HIF3A: variants seen among roughly 807,000 people sequenced by gnomAD.
HIF3A encodes hypoxia inducible factor 3 subunit alpha, also known as hypoxia-inducible factor 3-alpha.
Under a neutral mutation model 67.2 loss-of-function variants are expected in HIF3A, and 41 were observed. The ratio of observed to expected loss-of-function variants is 0.61; its 90% CI spans 0.48 to 0.79. HIF3A has a LOEUF of 0.79. HIF3A is among the 30% of genes least tolerant of loss of function. The pLI is 0.00. For missense variants in HIF3A, 855 were observed against 898.0 expected, an observed-to-expected ratio of 0.95 and a Z score of 0.61; for synonymous variants, 356 against 374.8, an observed-to-expected ratio of 0.95 and a Z score of 0.58.
At chr19:46,298,336 G>A in intron 1 of HIF3A, 2 of 1,266,388 alleles carry the variant, frequency 1.6e-6, no homozygotes, top group Non-Finnish European at 2.1e-6. Context: ...CTGGCTGGGT[G>A]GGGGCCCCTC....
In HIF3A at chr19:46,307,747, C is replaced by CA. The variant is rs1206701910; in HGVS notation, c.364-462dup. Among the ~76,000 whole-genome samples the CA allele has an allele frequency of 5.7e-3, 740 of 130,734 alleles. 5 individuals are homozygous for CA. The highest frequency in any genetic ancestry group is 7.0e-3 in the Non-Finnish European group (425 of 60,536). 85.8% of individuals were successfully genotyped at this position (130,734 alleles called of 152,430 possible). Reference sequence around the variant, plus strand: ...TGGGCAACAGAGCGAGACTCCATCTCAAAAAAAAAAAAGAAAAGAAAAAAA... The same window carrying CA: ...TGGGCAACAGAGCGAGACTCCATCTCAAAAAAAAAAAAAGAAAAGAAAAAAA... On this transcript the variant is annotated intron_variant, in intron 3 of 14. Transcript: ENST00000377670.
At chr19:46,321,711 G>T (rs1434812041) in intron 9 of HIF3A, 65 bp from the exon 10 acceptor site, 1 of 1,420,010 alleles carries the variant, frequency 7.0e-7, no homozygotes, top group African/African-American at 1.4e-5. Context: ...GGTTGGTATG[G>T]AGGGCTCTGG....
In HIF3A at chr19:46,341,209, T is replaced by C. The variant is rs1014132114; in HGVS notation, c.*1587T>C. 8 of 150,854 alleles carry C rather than the reference T, an allele frequency of 5.3e-5. No individual in the cohort carries two copies. The highest frequency in any genetic ancestry group is 4.6e-4 in the Admixed American group (7 of 15,144). 9.3% of individuals were successfully genotyped at this position (150,854 alleles called of 1,614,324 possible). Reference sequence around the variant, plus strand: ...CTCTTAATCTCTCTCTTTTTTTTTTTTTTTTTTTGAGACAGAGTCCCACTC... The same window carrying C: ...CTCTTAATCTCTCTCTTTTTTTTTTCTTTTTTTTGAGACAGAGTCCCACTC... On this transcript the variant is annotated 3_prime_UTR_variant, in exon 15 of 15. Coordinates refer to ENST00000377670, the MANE Select transcript of HIF3A (RefSeq NM_152795.4).
Position 46,342,779 on chromosome 19 carries a change from C to T in HIF3A, c.*3157C>T, listed in dbSNP as rs910517738. ...ATTCTGGGCTTCCCACCCCACTGAA[C>T]TTACCCAATTCCTTCTTTCAGTCTT... On this transcript the variant is annotated 3_prime_UTR_variant, in exon 15 of 15. Transcript: ENST00000377670. 2 of 152,266 alleles carry T rather than the reference C, an allele frequency of 1.3e-5. No individual in the cohort carries two copies. Among genetic ancestry groups the T allele is most frequent in the Admixed American group, 6.5e-5 (1 of 15,270 alleles). 9.4% of individuals were successfully genotyped at this position (152,266 alleles called of 1,614,324 possible).
chr19:46,316,749 G>A (rs758083044), intron 8 of HIF3A, among the ~76,000 whole-genome samples: 30 of 150,274 alleles, frequency 2.0e-4, no homozygotes, highest in Non-Finnish European at 7.4e-5. Flanking sequence ...GTTGCAATGA[G>A]TGGAGATCAG....
intron 13 of HIF3A, among the ~76,000 whole-genome samples, chr19:46,333,840 T>C (rs990484119): frequency 9.3e-5 from 13 of 139,600 alleles, no homozygotes; most frequent in Non-Finnish European, 1.5e-4. Context: ...TCGCCCAGGC[T>C]GGAGTGCAGT....
intron 12 of HIF3A, 100 bp from the exon 13 acceptor site, chr19:46,331,056 G>A (rs965032358): frequency 7.7e-6 from 6 of 783,234 alleles, no homozygotes; most frequent in Non-Finnish European, 1.3e-5. Flanking sequence ...GAATAAATAG[G>A]TGCTCAGGGG....
At chr19:46,326,460 CA>C (rs1399238979) in intron 11 of HIF3A, among the ~76,000 whole-genome samples, 2 of 152,122 alleles carry the variant, frequency 1.3e-5, no homozygotes, top group African/African-American at 4.8e-5. Flanking sequence ...GAGGCAATAA[CA>C]TAAGAGTGTG....
intron 10 of HIF3A, 24 bp downstream of exon 10, chr19:46,321,990 C>T: frequency 6.2e-7 from 1 of 1,610,098 alleles, no homozygotes; most frequent in Non-Finnish European, 8.5e-7. Context: ...CCCATGTGAG[C>T]CCTCAGCATC....
Position 46,305,334 on chromosome 19 carries a change from G to A in HIF3A, c.307G>A (p.Glu103Lys), listed in dbSNP as rs372758753. The change falls in exon 3 of 15, where the codon GAG becomes AAG. Residue 103 changes from glutamate (E) to lysine (K), a missense_variant. Transcript: ENST00000377670. ...GGGCTTCGTCATGGTGCTCACCGCC[G>A]AGGGAGACATGGCTTACCTGTCGGA... is the stretch of plus-strand genomic sequence containing the variant. ...LEGFVMVLTA[E>K]GDMAYLSENV... is the part of the protein sequence containing the mutation. 54 of 1,614,036 alleles carry A rather than the reference G, an allele frequency of 3.3e-5. No homozygotes were observed. Among genetic ancestry groups the A allele is most frequent in the African/African-American group, 3.1e-4 (23 of 74,916 alleles).
Position 46,308,695 on chromosome 19 carries a change from G to T in HIF3A, c.481G>T (p.Glu161Ter). 1 of 1,609,830 alleles carries T rather than the reference G, an allele frequency of 6.2e-7. No individual in the cohort carries two copies. The highest frequency in any genetic ancestry group is 2.2e-5 in the East Asian group (1 of 44,710). Residue 161 changes from glutamate to a stop codon, truncating the protein, a stop_gained, in exon 5 of 15, where the codon GAG (glutamate) becomes TAG (stop). Transcript: ENST00000377670. LOFTEE classifies it high-confidence loss of function. Reference protein sequence around the residue: ...LSRRKVEAPTERCFSLRMKST... With the variant: ...LSRRKVEAPT The stretch of plus-strand genomic sequence containing the variant: ...CAGGAGGAAGGTGGAGGCCCCCACG[G>T]AGCGGTGCTTCTCCTTGCGCATGAA...
At position 46,312,496 on chromosome 19, in the gene HIF3A, C is replaced by A; in HGVS notation, c.878-10C>A. On this transcript the variant is annotated splice_polypyrimidine_tract_variant and intron_variant, in intron 7 of 14. Transcript: ENST00000377670. ...TGGTGGCCCTGATCCCTCCCGATCCCCCTCCTCAGTGCTGAGCAAGGGCCA... is the reference window on the plus strand; with the variant it reads ...TGGTGGCCCTGATCCCTCCCGATCCACCTCCTCAGTGCTGAGCAAGGGCCA... 1 of 1,613,918 alleles carries A rather than the reference C, an allele frequency of 6.2e-7. No individual in the cohort carries two copies. Among genetic ancestry groups the A allele is most frequent in the South Asian group, 1.1e-5 (1 of 91,036 alleles).
At chr19:46,302,942 A>G (rs780083426) in intron 1 of HIF3A, among the ~76,000 whole-genome samples, 1 of 152,260 alleles carries the variant, frequency 6.6e-6, no homozygotes, top group Non-Finnish European at 1.5e-5. Context: ...ATTTGAAGAC[A>G]GTGGCAGAAA....
At position 46,342,100 on chromosome 19, in the gene HIF3A, T is replaced by G. The variant is rs1293323738; in HGVS notation, c.*2478T>G. 6.6e-6 allele frequency: 1 copy of G among 152,224 alleles called. No individual in the cohort carries two copies. The highest frequency in any genetic ancestry group is 1.9e-4 in the East Asian group (1 of 5,188). The allele number at this position is 152,224 out of a possible 1,614,324, so 9.4% of individuals were successfully genotyped here. A position where few individuals can be genotyped will look rare whatever the true frequency, so the allele number is the denominator to read the frequency against. ...GGTCCTGATTCAAGATCTGGTGATC[T>G]GCTGTTTCTCTGGTTCTAGAACTGA... On this transcript the variant is annotated 3_prime_UTR_variant, in exon 15 of 15. Coordinates refer to ENST00000377670, the MANE Select transcript of HIF3A (RefSeq NM_152795.4).
Position 46,303,962 on chromosome 19 carries a change from A to T in HIF3A, c.91A>T (p.Thr31Ser). Residue 31 changes from threonine (T) to serine (S), a missense_variant, in exon 2 of 15, where the codon ACC becomes TCC. Thr to Ser is a moderately conservative substitution (Grantham distance 58). Transcript: ENST00000377670. The stretch of plus-strand genomic sequence containing the variant: ...GGCCCGCAGCCGGCGCAGCCAGGAG[A>T]CCGAGGTGCTGTACCAGCTGGCTCA... ...DAARSRRSQE[T>S]EVLYQLAHTL... 1 of 1,605,400 alleles carries T rather than the reference A, an allele frequency of 6.2e-7. No individual in the cohort carries two copies. The highest frequency in any genetic ancestry group is 8.5e-7 in the Non-Finnish European group (1 of 1,176,602).
At position 46,341,633 on chromosome 19, in the gene HIF3A, C is replaced by CTTTTTTTTTTTT. The variant is rs1568556736; in HGVS notation, c.*2011_*2012insTTTTTTTTTTTT. 6.7e-6 allele frequency: 1 copy of CTTTTTTTTTTTT among 149,888 alleles called. No homozygotes were observed. The highest frequency in any genetic ancestry group is 2.5e-5 in the African/African-American group (1 of 39,812). 9.3% of individuals were successfully genotyped at this position (149,888 alleles called of 1,614,324 possible). On this transcript the variant is annotated 3_prime_UTR_variant, in exon 15 of 15. Transcript: ENST00000377670. The stretch of plus-strand genomic sequence containing the variant: ...TTGATGTGTTTATCTCTTTTTTCTT[C>CTTTTTTTTTTTT]CTCTTCTTTTTTTTTTTTTTCTTTT...
rs1332468893 is a variant in HIF3A at position 46,340,508 on chromosome 19, C to CT, written c.*898dup. ...TCCTGCTCCTCTTCCTCTTCTTCTT[C>CT]TTTTTTTTTTTTGACAGAGTCTTGC... On this transcript the variant is annotated 3_prime_UTR_variant, in exon 15 of 15. Coordinates refer to ENST00000377670, the MANE Select transcript of HIF3A (RefSeq NM_152795.4). 802 of 148,328 alleles carry CT rather than the reference C, an allele frequency of 5.4e-3. 2 individuals are homozygous for CT. The highest frequency in any genetic ancestry group is 0.011 in the South Asian group (53 of 4,628). 9.2% of individuals were successfully genotyped at this position (148,328 alleles called of 1,614,324 possible).
chr19:46,308,227 C>G lies in HIF3A; in HGVS notation c.370C>G (p.Leu124Val). Residue 124 changes from leucine (L) to valine (V), a missense_variant, in exon 4 of 15, where the codon CTC becomes GTC. Leu to Val is a conservative substitution (Grantham distance 32). Around this residue, in one of 3 missense-constraint regions of HIF3A, gnomAD observed 638 missense variants for 660.5 expected, o/e 0.97. Transcript: ENST00000377670. ...CCCCTCTCATCCCTGGCAGCTGGAGCTCATTGGACACAGCATCTTTGATTT... is the reference window on the plus strand; with the variant it reads ...CCCCTCTCATCCCTGGCAGCTGGAGGTCATTGGACACAGCATCTTTGATTT... ...SKHLGLSQLE[L>V]IGHSIFDFIH... 6 of 1,613,546 alleles carry G rather than the reference C, an allele frequency of 3.7e-6. No homozygotes were observed. The highest frequency in any genetic ancestry group is 5.1e-6 in the Non-Finnish European group (6 of 1,179,520).
At chr19:46,305,678 G>C (rs187825133) in intron 3 of HIF3A, among the ~76,000 whole-genome samples, 8 of 152,254 alleles carry the variant, frequency 5.3e-5, no homozygotes, top group Admixed American at 4.6e-4. Flanking sequence ...CCGGTCAAAG[G>C]GTATGGAGAA....
Sources: allele counts gnomAD v4.1 joint callset (sites outside exome capture counted in the v4.1 genomes callset), GRCh38; gene constraint gnomAD v4.1.1; regional missense constraint gnomAD v4.1.1; transcripts MANE v1.5; gene names NCBI Gene and HGNC (gene_info 2026-07-23, HGNC 2026-07-21).